The following S100A13 variants were observed in gnomAD, a reference collection of about 807,000 sequenced individuals.
The protein encoded by S100A13 is S100 calcium binding protein A13.
Under a neutral mutation model 8.2 loss-of-function variants are expected in S100A13, and 6 were observed. The observed-to-expected ratio is 0.73, with a 90% confidence interval of 0.40 to 1.44. The LOEUF (loss-of-function observed/expected upper bound fraction) is 1.44, where lower values mean the gene tolerates loss of function less well. S100A13 is among the 40% of genes most tolerant of loss of function. The pLI is 0.02. For missense variants in S100A13, 114 were observed against 113.6 expected, an observed-to-expected ratio of 1.00 and a Z score of -0.02; for synonymous variants, 39 against 45.9, an observed-to-expected ratio of 0.85 and a Z score of 0.61.
upstream of S100A13, chr1:153,630,451 T>A: frequency 6.3e-7 from 1 of 1,589,088 alleles, no homozygotes; most frequent in Non-Finnish European, 8.6e-7. Flanking sequence ...TCCCCTCACC[T>A]AGACCCCAGG....
chr1:153,625,182 G>A (rs1049289449), intron 2 of S100A13, among the ~76,000 whole-genome samples: 1 of 152,194 alleles, frequency 6.6e-6, no homozygotes, highest in Non-Finnish European at 1.5e-5. Flanking sequence ...AGGATGCAAT[G>A]AGCTGTGATC....
At position 153,618,979 on chromosome 1, in the gene S100A13, G is replaced by C; in HGVS notation, c.213C>G (p.Leu71=). The part of the protein sequence containing the change: ...KSLDVNQDSE[L]KFNEYWRLIG... ...TCAATCTCCAGTACTCATTGAACTTGAGCTCCGAGTCCTGATTCACATCCA... is the reference window on the plus strand; with the variant it reads ...TCAATCTCCAGTACTCATTGAACTTCAGCTCCGAGTCCTGATTCACATCCA... The change falls in exon 3 of 3, where the codon CTC becomes CTG. Residue 71 remains leucine (L), a synonymous_variant. Transcript: ENST00000476133. 1.2e-6 allele frequency: 2 copies of C among 1,613,870 alleles called. No individual in the cohort carries two copies. The highest frequency in any genetic ancestry group is 1.1e-5 in the South Asian group (1 of 91,064).
At chr1:153,628,145 A>C (rs1384388132), upstream of S100A13, 1 of 1,550,546 alleles carries the variant, frequency 6.4e-7, no homozygotes, top group South Asian at 1.2e-5. Flanking sequence ...ACAGCCAGCC[A>C]CAGGTACTGC....
upstream of S100A13, among the ~76,000 whole-genome samples, chr1:153,630,830 C>G (rs1667971205): frequency 6.6e-6 from 1 of 152,228 alleles, no homozygotes. Context: ...CCTCCTGGGT[C>G]AAGTCAAAAT....
upstream of S100A13, chr1:153,632,044 A>C (rs1044978869): frequency 3.6e-5 from 21 of 584,474 alleles, no homozygotes; most frequent in Middle Eastern, 4.6e-4. Context: ...CAGCCATCCG[A>C]TGTCTGTCTC....
In S100A13 at chr1:153,620,938, A is replaced by G. The variant is rs540695103; in HGVS notation, c.154-1900T>C. 5.3e-5 allele frequency among the ~76,000 whole-genome samples: 8 copies of G among 152,248 alleles called. No homozygotes were observed. In the South Asian group the frequency reaches 6.2e-4, roughly 12 times the overall value. ...ACAAAAAAAGGTAATTGAGCATCCAAGGATTTTGGCATCCAAGGGGGTTCT... is the reference window on the plus strand; with the variant it reads ...ACAAAAAAAGGTAATTGAGCATCCAGGGATTTTGGCATCCAAGGGGGTTCT... On this transcript the variant is annotated intron_variant, in intron 2 of 2. Coordinates refer to ENST00000476133, the MANE Select transcript of S100A13 (RefSeq NM_001024211.2).
upstream of S100A13, chr1:153,627,700 G>A (rs1667751761): frequency 5.6e-6 from 1 of 178,776 alleles, no homozygotes; most frequent in Middle Eastern, 2.5e-3. Context: ...TGGTCAGGGA[G>A]AGGAGCTGCC....
rs889933236 is a variant in S100A13 at position 153,618,799 on chromosome 1, T to C, written c.*96A>G. 4.0e-5 allele frequency: 48 copies of C among 1,194,424 alleles called. No individual in the cohort carries two copies. In the East Asian group the frequency reaches 1.1e-3, roughly 28 times the overall value. 74.0% of individuals were successfully genotyped at this position (1,194,424 alleles called of 1,614,324 possible). On this transcript the variant is annotated 3_prime_UTR_variant, in exon 3 of 3. Coordinates refer to ENST00000476133, the MANE Select transcript of S100A13 (RefSeq NM_001024211.2). ...CAGGATGGGGTGTAAGTAAGAAACA[T>C]TTGTGTTTCAAGGAGGAAGCTTTAT...
chr1:153,630,810 C>A, upstream of S100A13: 3 of 1,038,136 alleles, frequency 2.9e-6, no homozygotes, highest in Non-Finnish European at 2.8e-6. Context: ...TTTTTCCAGG[C>A]TCCCCTACTC....
At chr1:153,622,603 G>C (rs1423911369) in intron 2 of S100A13, among the ~76,000 whole-genome samples, 1 of 152,220 alleles carries the variant, frequency 6.6e-6, no homozygotes. Context: ...CTTAAGCCTA[G>C]GAGTTCAAGA....
intron 1 of S100A13, 168 bp from the exon 2 acceptor site, chr1:153,626,701 C>G (rs769115500): frequency 6.3e-6 from 3 of 472,980 alleles, no homozygotes; most frequent in Non-Finnish European, 1.1e-5. Flanking sequence ...GACCAGGCAA[C>G]GGCATCTCAG....
Position 153,619,742 on chromosome 1 carries a change from G to T in S100A13, c.154-704C>A, listed in dbSNP as rs993305591. Among the ~76,000 whole-genome samples, 5 of 152,332 alleles carry T rather than the reference G, an allele frequency of 3.3e-5. No homozygotes were observed. In the South Asian group the frequency reaches 1.0e-3, roughly 32 times the overall value. ...AACAATAGTTCAACATCAAACCAGA[G>T]AAGGGTGCCTCAGGCAGGGTGTGAG... is the stretch of plus-strand genomic sequence containing the variant. On this transcript the variant is annotated intron_variant, in intron 2 of 2. Coordinates refer to ENST00000476133, the MANE Select transcript of S100A13 (RefSeq NM_001024211.2).
chr1:153,620,457 TAAAA>T (rs753773428), intron 2 of S100A13, among the ~76,000 whole-genome samples: 2 of 88,020 alleles, frequency 2.3e-5, no homozygotes, highest in Non-Finnish European at 2.4e-5. Flanking sequence ...TGAGACTATC[TAAAA>T]AAAAAAAAAA....
intron 2 of S100A13, among the ~76,000 whole-genome samples, chr1:153,622,015 A>C (rs916889278): frequency 6.6e-6 from 1 of 152,220 alleles, no homozygotes; most frequent in Non-Finnish European, 1.5e-5. Context: ...CATCGCATGA[A>C]GTGTGGGTAG....
rs573252199 is a variant in S100A13 at position 153,627,492 on chromosome 1, A to G, written c.-71T>C. The G allele has an allele frequency of 6.6e-6, 1 of 152,546 alleles. No homozygotes were observed. Among genetic ancestry groups the G allele is most frequent in the South Asian group, 2.1e-4 (1 of 4,824 alleles). The allele number at this position is 152,546 out of a possible 1,614,324, so 9.4% of individuals were successfully genotyped here. ...CAGCCATGAGACTCACCCGGCAAGG[A>G]GATGGGGTAGAGTGAGCTGGAGCCT... On this transcript the variant is annotated 5_prime_UTR_variant, in exon 1 of 3. Coordinates refer to ENST00000476133, the MANE Select transcript of S100A13 (RefSeq NM_001024211.2).
chr1:153,628,200 T>C (rs556389934), upstream of S100A13: 133 of 1,549,652 alleles, frequency 8.6e-5, 1 homozygote, highest in Middle Eastern at 1.0e-3. Context: ...TCCCAGGACC[T>C]CCTTCCCACC....
At position 153,618,895 on chromosome 1, in the gene S100A13, T is replaced by A; in HGVS notation, c.297A>T (p.Ter99TyrextTer13). 6.2e-7 allele frequency: 1 copy of A among 1,614,016 alleles called. No individual in the cohort carries two copies. ...KKKDLKIRKK[*>Y] ...CCCACCCCATCTCAGCCAGGCGGCTTTACTTCTTCCTGATCTTCAGGTCTT... is the reference window on the plus strand; with the variant it reads ...CCCACCCCATCTCAGCCAGGCGGCTATACTTCTTCCTGATCTTCAGGTCTT... Residue 99 changes from the stop codon to tyrosine (Y), a stop_lost, in exon 3 of 3, where the codon TAA (stop) becomes TAT (tyrosine). Transcript: ENST00000476133.
chr1:153,632,123 G>A, upstream of S100A13: 1 of 413,510 alleles, frequency 2.4e-6, no homozygotes, highest in African/African-American at 2.0e-5. Context: ...TTGGGGAAGT[G>A]TCTTATTTAG....
At chr1:153,620,596 G>C (rs1667180989) in intron 2 of S100A13, among the ~76,000 whole-genome samples, 1 of 151,978 alleles carries the variant, frequency 6.6e-6, no homozygotes, top group African/African-American at 2.4e-5. Flanking sequence ...AATCCACAAA[G>C]TTCCAAAAAG....
Sources: allele counts gnomAD v4.1 joint callset (sites outside exome capture counted in the v4.1 genomes callset), GRCh38; gene constraint gnomAD v4.1.1; transcripts MANE v1.5; gene names NCBI Gene and HGNC (gene_info 2026-07-23, HGNC 2026-07-21).